The following DYRK1A variants were observed in gnomAD, a reference collection of about 807,000 sequenced individuals.
DYRK1A encodes the protein dual specificity tyrosine-phosphorylation-regulated kinase 1A.
Under a neutral mutation model 79.7 loss-of-function variants are expected in DYRK1A, and 9 were observed. The observed-to-expected ratio is 0.11, with a 90% CI of 0.07 to 0.20. The LOEUF is 0.20. Ranked by LOEUF, DYRK1A falls within the 10% of genes least tolerant of loss-of-function variation. The pLI, the probability that DYRK1A is intolerant of heterozygous loss-of-function variation, is 1.00. For missense variants in DYRK1A, 622 were observed against 956.0 expected, an observed-to-expected ratio of 0.65 and a Z score of 4.61; for synonymous variants, 349 against 329.7, an observed-to-expected ratio of 1.06 and a Z score of -0.63.
rs9974133 is a variant in DYRK1A, at chr21:37,517,663, A to G, written c.*5132A>G. ...AGCCAAGCAGGTGTGCCGGGCAGGG[A>G]GTTGTTAATGAACACCCAGGCAAGA... On this transcript the variant is annotated 3_prime_UTR_variant, in exon 12 of 12. Transcript: ENST00000647188. 84,023 of 151,776 alleles carry G rather than the reference A, an allele frequency of 0.55. 23,947 individuals carry two copies. The highest frequency in any genetic ancestry group is 0.7 in the African/African-American group (28,881 of 41,326). The allele number at this position is 151,776 out of a possible 1,614,324, so 9.4% of individuals were successfully genotyped here. A position where few individuals can be genotyped will look rare whatever the true frequency, so the allele number is the denominator to read the frequency against.
intron 1 of DYRK1A, among the ~76,000 whole-genome samples, chr21:37,371,592 T>C (rs1383933237): frequency 6.6e-6 from 1 of 152,234 alleles, no homozygotes; most frequent in African/African-American, 2.4e-5. Context: ...GTATCTTCTC[T>C]TCTAGAAAGC....
At chr21:37,425,167 G>C (rs1452967049) in intron 2 of DYRK1A, among the ~76,000 whole-genome samples, 1 of 152,188 alleles carries the variant, frequency 6.6e-6, no homozygotes, top group Non-Finnish European at 1.5e-5. Flanking sequence ...TAGTCCGATA[G>C]TTCCTGAAGG....
intron 1 of DYRK1A, among the ~76,000 whole-genome samples, chr21:37,395,314 G>A (rs904693700): frequency 6.6e-6 from 1 of 152,094 alleles, no homozygotes; most frequent in Non-Finnish European, 1.5e-5. Flanking sequence ...GCATTTTTAG[G>A]CCCTGTATTC....
intron 2 of DYRK1A, among the ~76,000 whole-genome samples, chr21:37,451,272 A>G (rs1022043206): frequency 6.6e-6 from 1 of 152,132 alleles, no homozygotes; most frequent in Non-Finnish European, 1.5e-5. Flanking sequence ...TAAATGTACA[A>G]TGTCTATAAA....
chr21:37,391,154 G>A (rs1016275219), intron 1 of DYRK1A, among the ~76,000 whole-genome samples: 1 of 152,230 alleles, frequency 6.6e-6, no homozygotes, highest in African/African-American at 2.4e-5. Flanking sequence ...AGTGGAGAAT[G>A]GCATTTGGAA....
At chr21:37,486,394 T>G in intron 5 of DYRK1A, 73 bp from the exon 6 acceptor site, 2 of 1,177,804 alleles carry the variant, frequency 1.7e-6, no homozygotes, top group South Asian at 4.3e-5. Flanking sequence ...AATGTTATAA[T>G]TAAGGTGAAT....
chr21:37,447,319 T>C (rs923466555), intron 2 of DYRK1A, among the ~76,000 whole-genome samples: 3 of 152,156 alleles, frequency 2.0e-5, no homozygotes, highest in Admixed American at 2.0e-4. Context: ...TAAATAAATA[T>C]ATTTTATGAT....
chr21:37,490,055 A>G (rs150702804), intron 6 of DYRK1A, 120 bp from the exon 7 acceptor site: 12 of 1,056,704 alleles, frequency 1.1e-5, no homozygotes, highest in Non-Finnish European at 1.2e-5. Flanking sequence ...CTGATCTCCA[A>G]ACTTTAACTG....
At chr21:37,473,197 G>A (rs1007710861) in intron 3 of DYRK1A, among the ~76,000 whole-genome samples, 3 of 152,110 alleles carry the variant, frequency 2.0e-5, no homozygotes, top group South Asian at 2.1e-4. Flanking sequence ...AGTTAAAACC[G>A]TTACAGGAAA....
In DYRK1A at chr21:37,434,407, T is replaced by C. The variant is rs16995110; in HGVS notation, c.10+14023T>C. ...AGGCACAAATGGGAACTGTGTCTCC[T>C]TGACATGTTTCAAAGCATTTCTCTG... On this transcript the variant is annotated intron_variant, in intron 2 of 11. Transcript: ENST00000647188. Among the ~76,000 whole-genome samples the C allele has an allele frequency of 9.1e-3, 1,380 of 152,302 alleles. 19 individuals are homozygous for C. The highest frequency in any genetic ancestry group is 0.032 in the African/African-American group (1,324 of 41,570).
chr21:37,420,344 A>C lies in DYRK1A; in HGVS notation c.-31A>C. ...ACTCTTCCCTCCCTTCCCCCACCCCATCAGGATGATATGAGACTTGAAAGA... is the reference window on the plus strand; with the variant it reads ...ACTCTTCCCTCCCTTCCCCCACCCCCTCAGGATGATATGAGACTTGAAAGA... On this transcript the variant is annotated 5_prime_UTR_variant, in exon 2 of 12. Coordinates refer to ENST00000647188, the MANE Select transcript of DYRK1A (RefSeq NM_001347721.2). 1 of 1,608,350 alleles carries C rather than the reference A, an allele frequency of 6.2e-7. No individual in the cohort carries two copies. Among genetic ancestry groups the C allele is most frequent in the Non-Finnish European group, 8.5e-7 (1 of 1,175,902 alleles).
chr21:37,465,444 A>G (rs2051993743), intron 2 of DYRK1A, among the ~76,000 whole-genome samples: 1 of 152,208 alleles, frequency 6.6e-6, no homozygotes, highest in Non-Finnish European at 1.5e-5. Context: ...TTATTTTTGG[A>G]TTATCCACTA....
At chr21:37,494,012 C>T (rs2053180886) in intron 8 of DYRK1A, among the ~76,000 whole-genome samples, 1 of 140,702 alleles carries the variant, frequency 7.1e-6, no homozygotes, top group Non-Finnish European at 1.5e-5. Flanking sequence ...GCAATCTTGG[C>T]TCCCGAGTAG....
chr21:37,432,006 C>G (rs946177950), intron 2 of DYRK1A, among the ~76,000 whole-genome samples: 1 of 151,956 alleles, frequency 6.6e-6, no homozygotes, highest in African/African-American at 2.4e-5. Flanking sequence ...GTTTTTAAAC[C>G]CTAAAGTTAA....
At chr21:37,442,721 G>T (rs2051146315) in intron 2 of DYRK1A, among the ~76,000 whole-genome samples, 2 of 152,088 alleles carry the variant, frequency 1.3e-5, no homozygotes, top group Non-Finnish European at 2.9e-5. Flanking sequence ...TTATAGGTGT[G>T]AGCCAGCATG....
chr21:37,482,775 G>T (rs1290211533), intron 5 of DYRK1A, among the ~76,000 whole-genome samples: 2 of 152,238 alleles, frequency 1.3e-5, no homozygotes, highest in Admixed American at 6.5e-5. Flanking sequence ...CACCCAAGGG[G>T]GCCATTTCAG....
intron 1 of DYRK1A, among the ~76,000 whole-genome samples, chr21:37,369,120 ATTC>A: frequency 6.6e-6 from 1 of 152,316 alleles, no homozygotes; most frequent in East Asian, 1.9e-4. Flanking sequence ...ATTTTTAGTT[ATTC>A]TTTGAATGCT....
At chr21:37,470,889 T>C (rs2052199508) in intron 2 of DYRK1A, among the ~76,000 whole-genome samples, 1 of 152,224 alleles carries the variant, frequency 6.6e-6, no homozygotes. Flanking sequence ...TGACTATGAA[T>C]GATGAAATGT....
At position 37,510,296 on chromosome 21, in the gene DYRK1A, GT is replaced by G. The variant is rs528706264; in HGVS notation, c.1645-1614del. ...ATTAACTTCATATAAAAACCATATA[GT>G]ATTTTCTGAGAACTCACTGCCAGCT... is the stretch of plus-strand genomic sequence containing the variant. On this transcript the variant is annotated intron_variant, in intron 11 of 11. Coordinates refer to ENST00000647188, the MANE Select transcript of DYRK1A (RefSeq NM_001347721.2). Among the ~76,000 whole-genome samples, 434 of 152,264 alleles carry G rather than the reference GT, an allele frequency of 2.9e-3. 1 individual carries two copies. Among genetic ancestry groups the G allele is most frequent in the African/African-American group, 1.0e-2 (415 of 41,550 alleles).
Sources: allele counts gnomAD v4.1 joint callset (sites outside exome capture counted in the v4.1 genomes callset), GRCh38; gene constraint gnomAD v4.1.1; transcripts MANE v1.5; gene names NCBI Gene and HGNC (gene_info 2026-07-23, HGNC 2026-07-21).